The following FER1L6 variants were observed in gnomAD, a reference collection of about 807,000 sequenced individuals.
FER1L6 encodes fer-1 like family member 6, also known as fer-1-like protein 6.
FER1L6 carries 177 observed loss-of-function variants against 219.2 expected under a neutral mutation model. The observed-to-expected ratio is 0.81, with a 90% CI of 0.71 to 0.91. FER1L6 has a LOEUF of 0.91. Among genes scored for constraint, FER1L6 ranks in the 40% least tolerant of loss-of-function variants. FER1L6 has a pLI of 0.00. For missense variants in FER1L6, 2,153 were observed against 2,259.9 expected (o/e 0.95, Z 0.96); for synonymous variants, 768 against 824.3 (o/e 0.93, Z 1.17).
intron 1 of FER1L6, among the ~76,000 whole-genome samples, chr8:123,934,149 C>T (rs530144438): frequency 3.5e-4 from 54 of 152,322 alleles, no homozygotes; most frequent in African/African-American, 1.3e-3. Context: ...CTCACTCTGT[C>T]ACCCAGGCTG....
chr8:124,023,446 C>T lies in FER1L6; in HGVS notation c.2136C>T (p.Pro712=). Residue 712 remains proline, a splice_region_variant and synonymous_variant, in exon 18 of 41, where the codon CCC becomes CCT. Transcript: ENST00000522917. ...VEKIRFLVDE[P]QHTIPDVFIW... is the part of the protein sequence containing the mutation. The stretch of plus-strand genomic sequence containing the variant: ...CCCAACTCCCTCTATTCCCACAGCC[C>T]CAGCACACTATCCCTGACGTTTTCA... The T allele has an allele frequency of 6.2e-7, 1 of 1,613,910 alleles. No individual in the cohort carries two copies. The highest frequency in any genetic ancestry group is 2.2e-5 in the East Asian group (1 of 44,886).
chr8:123,863,959 T>C lies in FER1L6; in HGVS notation c.-8+11774T>C, dbSNP rs921104968. 5.3e-5 allele frequency among the ~76,000 whole-genome samples: 8 copies of C among 150,476 alleles called. 1 individual carries two copies. Among genetic ancestry groups the C allele is most frequent in the African/African-American group, 2.0e-4 (8 of 39,908 alleles). On this transcript the variant is annotated intron_variant, in intron 1 of 40. Transcript: ENST00000522917. ...AACTTGCCAGTCTGTGTCTTTTAAT[T>C]GGAGAATTTAGTCCATTTACATTTA... is the stretch of plus-strand genomic sequence containing the variant.
chr8:123,881,933 C>T (rs1817117419), intron 1 of FER1L6, among the ~76,000 whole-genome samples: 1 of 152,204 alleles, frequency 6.6e-6, no homozygotes, highest in African/African-American at 2.4e-5. Flanking sequence ...TTGTAATCCA[C>T]CATTTCTTTC....
intron 1 of FER1L6, among the ~76,000 whole-genome samples, chr8:123,859,690 AT>A (rs1563664781): frequency 7.2e-3 from 1 of 138 alleles, no homozygotes; most frequent in South Asian, 0.5. Flanking sequence ...TCCCAATGCT[AT>A]CCCCTCCCCC....
At chr8:124,060,052 T>C in intron 22 of FER1L6, 128 bp from the exon 23 acceptor site, 1 of 690,720 alleles carries the variant, frequency 1.4e-6, no homozygotes. Flanking sequence ...ATGGTCCTTG[T>C]ATTTTAAGCT....
chr8:124,004,886 T>C (rs1817589315), intron 13 of FER1L6, among the ~76,000 whole-genome samples: 1 of 151,648 alleles, frequency 6.6e-6, no homozygotes, highest in African/African-American at 2.4e-5. Flanking sequence ...TGATCCCAGC[T>C]ACTCAAGAGG....
intron 33 of FER1L6, among the ~76,000 whole-genome samples, chr8:124,085,974 C>A (rs1821770576): frequency 6.6e-6 from 1 of 152,024 alleles, no homozygotes; most frequent in South Asian, 2.1e-4. Context: ...ACCTTCTTTG[C>A]CTCCTTTTAT....
intron 34 of FER1L6, among the ~76,000 whole-genome samples, chr8:124,092,053 C>T (rs1439380769): frequency 6.6e-6 from 1 of 151,672 alleles, no homozygotes; most frequent in Non-Finnish European, 1.5e-5. Flanking sequence ...ACTTATAATC[C>T]CCAAGTTCAG....
chr8:123,938,560 T>G (rs1814095707), intron 1 of FER1L6, among the ~76,000 whole-genome samples: 1 of 147,690 alleles, frequency 6.8e-6, no homozygotes, highest in Non-Finnish European at 1.5e-5. Context: ...TTTTTTTTTT[T>G]TTTTGAGACA....
Position 124,049,700 on chromosome 8 carries a change from A to G in FER1L6, c.2818A>G (p.Ile940Val). 1.2e-6 allele frequency: 2 copies of G among 1,614,026 alleles called. No individual in the cohort carries two copies. Among genetic ancestry groups the G allele is most frequent in the Non-Finnish European group, 1.7e-6 (2 of 1,179,988 alleles). ...GCCCCCCAGGTTATGCTATCACCCC[A>G]TCTTTTGTGGGAATCTCTCTGGAGG... is the stretch of plus-strand genomic sequence containing the variant. Reference protein sequence around the residue: ...YEPPRLCYHPIFCGNLSGGDL... With the variant: ...YEPPRLCYHPVFCGNLSGGDL... Residue 940 changes from isoleucine to valine, a missense_variant, in exon 22 of 41, where the codon ATC becomes GTC. Transcript: ENST00000522917.
intron 13 of FER1L6, chr8:124,004,177 T>C (rs1237682106): frequency 6.8e-6 from 1 of 147,834 alleles, no homozygotes; most frequent in Admixed American, 6.7e-5. Context: ...AGAAAACAGC[T>C]GGGGGCACTT....
At chr8:123,880,653 C>T (rs1329780753) in intron 1 of FER1L6, among the ~76,000 whole-genome samples, 1 of 152,150 alleles carries the variant, frequency 6.6e-6, no homozygotes, top group Non-Finnish European at 1.5e-5. Flanking sequence ...CCTTGCGGCA[C>T]TCAGCTACAA....
chr8:123,939,589 G>A (rs1195671171), intron 1 of FER1L6, among the ~76,000 whole-genome samples: 1 of 152,204 alleles, frequency 6.6e-6, no homozygotes, highest in Non-Finnish European at 1.5e-5. Flanking sequence ...AAAGTTTCCT[G>A]CAGGTCGTTG....
At chr8:124,072,558 A>T (rs1304216158) in intron 31 of FER1L6, among the ~76,000 whole-genome samples, 1 of 152,240 alleles carries the variant, frequency 6.6e-6, no homozygotes, top group Non-Finnish European at 1.5e-5. Flanking sequence ...AAGGAACATA[A>T]ATGTAACACA....
chr8:123,881,755 C>T (rs190459752), intron 1 of FER1L6, among the ~76,000 whole-genome samples: 30 of 152,162 alleles, frequency 2.0e-4, no homozygotes, highest in African/African-American at 7.0e-4. Context: ...GGAGAAGAGA[C>T]AATTTCTTCC....
At chr8:123,863,610 AGTCTAAGT>A (rs1449963605) in intron 1 of FER1L6, among the ~76,000 whole-genome samples, 1 of 136,104 alleles carries the variant, frequency 7.3e-6, no homozygotes, top group African/African-American at 3.0e-5. Context: ...AATGTGTGGG[AGTCTAAGT>A]CTCTTTGTAG....
intron 22 of FER1L6, among the ~76,000 whole-genome samples, chr8:124,055,951 GTC>G (rs1003855172): frequency 1.3e-5 from 2 of 151,786 alleles, no homozygotes; most frequent in African/African-American, 4.8e-5. Context: ...GCTTCTTCAA[GTC>G]TCTCTCTCTC....
intron 35 of FER1L6, among the ~76,000 whole-genome samples, chr8:124,095,765 C>A (rs77991584): frequency 0.029 from 4,429 of 152,298 alleles, 216 homozygotes; most frequent in African/African-American, 0.1. Flanking sequence ...TCCTAAACAA[C>A]GGAGTGACAC....
chr8:123,907,105 TA>T (rs1409419322), intron 1 of FER1L6, among the ~76,000 whole-genome samples: 37 of 152,182 alleles, frequency 2.4e-4, no homozygotes, highest in Non-Finnish European at 4.4e-4. Flanking sequence ...TGTGTTCCAA[TA>T]AAACTTTATT....
Sources: allele counts gnomAD v4.1 joint callset (sites outside exome capture counted in the v4.1 genomes callset), GRCh38; gene constraint gnomAD v4.1.1; transcripts MANE v1.5; gene names NCBI Gene and HGNC (gene_info 2026-07-23, HGNC 2026-07-21).